NXNL1: variants seen among roughly 807,000 people sequenced by gnomAD.
The protein encoded by NXNL1 is nucleoredoxin like 1.
A neutral mutation model predicts 7.2 loss-of-function variants in NXNL1; 6 were observed. The ratio of observed to expected loss-of-function variants is 0.83; its 90% CI spans 0.46 to 1.64. The LOEUF is 1.64. NXNL1 is among the 40% of genes most tolerant of loss of function. NXNL1 has a pLI of 0.01. For synonymous variants in NXNL1, 133 were observed against 127.2 expected, an observed-to-expected ratio of 1.05 and a Z score of -0.31; for missense variants, 308 against 285.1, an observed-to-expected ratio of 1.08 and a Z score of -0.58.
rs372954697 is a variant in NXNL1 at position 17,455,880 on chromosome 19, C to G, written c.406G>C (p.Asp136His). Residue 136 changes from aspartate (D) to histidine (H), a missense_variant, in exon 2 of 2, where the codon GAC (aspartate) becomes CAC (histidine). By Grantham distance (81) the Asp-to-His change is moderately conservative. Transcript: ENST00000301944. Reference protein sequence around the residue: ...LKPDGDVLTRDGADEIQRLGT... With the variant: ...LKPDGDVLTRHGADEIQRLGT... ...AGGCGCTGGATCTCGTCGGCGCCGT[C>G]GCGAGTGAGCACGTCCCCGTCCGGC... 1 of 1,591,500 alleles carries G rather than the reference C, an allele frequency of 6.3e-7. No individual in the cohort carries two copies. Among genetic ancestry groups the G allele is most frequent in the East Asian group, 2.2e-5 (1 of 44,580 alleles).
Position 17,460,664 on chromosome 19 carries a change from C to T in NXNL1, c.206G>A (p.Arg69Gln), listed in dbSNP as rs757310322. Residue 69 changes from arginine (R) to glutamine (Q), a missense_variant, in exon 1 of 2, where the codon CGG (arginine) becomes CAG (glutamine). By Grantham distance (43) the Arg-to-Gln change is conservative. Coordinates refer to ENST00000301944, the MANE Select transcript of NXNL1 (RefSeq NM_138454.2). ...GTACACCAGGGCCAGCTGAGCCGCCCGCAGTACATAGAACTCATCTGTGAG... is the reference window on the plus strand; with the variant it reads ...GTACACCAGGGCCAGCTGAGCCGCCTGCAGTACATAGAACTCATCTGTGAG... ...VRLTDEFYVL[R>Q]AAQLALVYVS... 2.8e-5 allele frequency: 45 copies of T among 1,613,434 alleles called. No individual in the cohort carries two copies. The highest frequency in any genetic ancestry group is 4.5e-5 in the East Asian group (2 of 44,890).
Position 17,460,895 on chromosome 19 carries a change from C to A in NXNL1, c.-26G>T. On this transcript the variant is annotated 5_prime_UTR_variant, in exon 1 of 2. Coordinates refer to ENST00000301944, the MANE Select transcript of NXNL1 (RefSeq NM_138454.2). The stretch of plus-strand genomic sequence containing the variant: ...GGTAACCTGGGTTGGGTGCTGGGGA[C>A]AGCGCGGCGTGTGGTCCCCGGTCTG... 6.2e-7 allele frequency: 1 copy of A among 1,608,594 alleles called. No homozygotes were observed. The highest frequency in any genetic ancestry group is 8.5e-7 in the Non-Finnish European group (1 of 1,178,960).
At chr19:17,456,077 G>A (rs1285586820) in intron 1 of NXNL1, 118 bp from the exon 2 acceptor site, 4 of 1,498,266 alleles carry the variant, frequency 2.7e-6, no homozygotes, top group Non-Finnish European at 3.5e-6. Flanking sequence ...CCTCTTGCCG[G>A]GCACTGGGTA....
Position 17,459,866 on chromosome 19 carries a change from G to A in NXNL1, c.326+678C>T, listed in dbSNP as rs568185869. Among the ~76,000 whole-genome samples the A allele has an allele frequency of 8.5e-5, 13 of 152,140 alleles. No individual in the cohort carries two copies. In the South Asian group the frequency reaches 2.7e-3, roughly 32 times the overall value. ...GCTAGGACTACAGGCATGAGCCACC[G>A]TGCCCAGCTAGGGGTCTCTCTTTAA... is the stretch of plus-strand genomic sequence containing the variant. On this transcript the variant is annotated intron_variant, in intron 1 of 1. Transcript: ENST00000301944.
intron 1 of NXNL1, among the ~76,000 whole-genome samples, chr19:17,460,113 C>T (rs57502005): frequency 0.029 from 4,393 of 152,192 alleles, 227 homozygotes; most frequent in African/African-American, 0.1. Context: ...CAGTTTCAAA[C>T]GATTCTCCTG....
chr19:17,455,679 C>CA lies in NXNL1; in HGVS notation c.606dup (p.Gly203TrpfsTer14). ...AGCCCCCCGGCCCCGCCCTCCTCCCCACCCCCTCCCCCGGGGTCGCGCCCG... is the reference window on the plus strand; with the variant it reads ...AGCCCCCCGGCCCCGCCCTCCTCCCCAACCCCCTCCCCCGGGGTCGCGCCCG... On this transcript the variant is annotated frameshift_variant, in exon 2 of 2. Transcript: ENST00000301944. LOFTEE classifies it high-confidence loss of function. 1 of 1,443,082 alleles carries CA rather than the reference C, an allele frequency of 6.9e-7. No homozygotes were observed. The allele number at this position is 1,443,082 out of a possible 1,614,324, so 89.4% of individuals were successfully genotyped here.
chr19:17,455,663 G>GCCCCCCCCCCCCCCCCCCC lies in NXNL1; in HGVS notation c.622_623insGGGGGGGGGGGGGGGGGGG (p.Ala208GlyfsTer15). ...CCTAGCGGGTCAGAACAGCCCCCCG[G>GCCCCCCCCCCCCCCCCCCC]CCCCGCCCTCCTCCCCACCCCCTCC... On this transcript the variant is annotated frameshift_variant, in exon 2 of 2. Coordinates refer to ENST00000301944, the MANE Select transcript of NXNL1 (RefSeq NM_138454.2). LOFTEE classifies it high-confidence loss of function. 4 of 771,712 alleles carry GCCCCCCCCCCCCCCCCCCC rather than the reference G, an allele frequency of 5.2e-6. No homozygotes were observed. The highest frequency in any genetic ancestry group is 5.5e-5 in the East Asian group (2 of 36,238). 47.8% of individuals were successfully genotyped at this position (771,712 alleles called of 1,614,324 possible). A position where few individuals can be genotyped will look rare whatever the true frequency, so the allele number is the denominator to read the frequency against.
chr19:17,457,651 G>C (rs564494589), intron 1 of NXNL1, among the ~76,000 whole-genome samples: 1 of 152,256 alleles, frequency 6.6e-6, no homozygotes, highest in South Asian at 2.1e-4. Context: ...GGGATTACAG[G>C]CATGAACCAC....
chr19:17,458,237 T>TG (rs2075000197), intron 1 of NXNL1, among the ~76,000 whole-genome samples: 1 of 135,210 alleles, frequency 7.4e-6, no homozygotes, highest in South Asian at 2.3e-4. Flanking sequence ...TTTTTTTTTT[T>TG]GTGACATAGT....
At chr19:17,460,518 AG>A in intron 1 of NXNL1, 25 bp downstream of exon 1, 1 of 1,597,648 alleles carries the variant, frequency 6.3e-7, no homozygotes, top group African/African-American at 1.3e-5. Context: ...CCCCTCCTCC[AG>A]GAAGCCCTCC....
Position 17,455,503 on chromosome 19 carries a change from C to T in NXNL1, c.*144G>A. The T allele has an allele frequency of 1.6e-6, 1 of 611,790 alleles. No individual in the cohort carries two copies. Among genetic ancestry groups the T allele is most frequent in the East Asian group, 2.8e-5 (1 of 36,016 alleles). 37.9% of individuals were successfully genotyped at this position (611,790 alleles called of 1,614,324 possible). ...TTTCGTAGAGTCAGGGTCTCACTCT[C>T]TTGCCCAGGTTGATCTCGAACCTCT... is the stretch of plus-strand genomic sequence containing the variant. On this transcript the variant is annotated 3_prime_UTR_variant, in exon 2 of 2. Coordinates refer to ENST00000301944, the MANE Select transcript of NXNL1 (RefSeq NM_138454.2).
intron 1 of NXNL1, among the ~76,000 whole-genome samples, chr19:17,459,567 G>A (rs755426981): frequency 2.6e-5 from 4 of 151,748 alleles, no homozygotes; most frequent in Non-Finnish European, 5.9e-5. Context: ...ACAGCTGTGC[G>A]CCACCAGGCC....
chr19:17,458,025 C>T (rs183951422), intron 1 of NXNL1, among the ~76,000 whole-genome samples: 6 of 152,146 alleles, frequency 3.9e-5, no homozygotes, highest in East Asian at 1.9e-4. Context: ...AAACTATACA[C>T]GTATGCATAT....
At chr19:17,457,648 C>T (rs2074998090) in intron 1 of NXNL1, among the ~76,000 whole-genome samples, 1 of 152,184 alleles carries the variant, frequency 6.6e-6, no homozygotes, top group African/African-American at 2.4e-5. Context: ...ACTGGGATTA[C>T]AGGCATGAAC....
intron 1 of NXNL1, among the ~76,000 whole-genome samples, chr19:17,457,094 TAAAA>T (rs67507866): frequency 1.4e-5 from 2 of 142,308 alleles, no homozygotes; most frequent in Non-Finnish European, 3.0e-5. Flanking sequence ...CTCCCTCTCT[TAAAA>T]AAAAAAAAAA....
intron 1 of NXNL1, among the ~76,000 whole-genome samples, chr19:17,459,411 T>G (rs567477714): frequency 1.2e-3 from 100 of 85,118 alleles, no homozygotes; most frequent in African/African-American, 3.8e-3. Flanking sequence ...ATTTATTACA[T>G]TTTTTATTTT....
At chr19:17,460,422 C>T in intron 1 of NXNL1, 122 bp downstream of exon 1, 1 of 1,066,656 alleles carries the variant, frequency 9.4e-7, no homozygotes, top group Non-Finnish European at 1.3e-6. Flanking sequence ...CTGTCTGTAC[C>T]CCCTAGTTCC....
chr19:17,455,671 C>CCA lies in NXNL1; in HGVS notation c.614_615insTG (p.Glu205AspfsTer60), dbSNP rs2144513959. ...GTCAGAACAGCCCCCCGGCCCCGCCCTCCTCCCCACCCCCTCCCCCGGGGT... is the reference window on the plus strand; with the variant it reads ...GTCAGAACAGCCCCCCGGCCCCGCCCCATCCTCCCCACCCCCTCCCCCGGGGT... On this transcript the variant is annotated frameshift_variant, in exon 2 of 2. Coordinates refer to ENST00000301944, the MANE Select transcript of NXNL1 (RefSeq NM_138454.2). LOFTEE classifies it high-confidence loss of function. The CCA allele has an allele frequency of 5.6e-6, 6 of 1,079,742 alleles. No homozygotes were observed. The highest frequency in any genetic ancestry group is 2.7e-5 in the East Asian group (1 of 37,504). The allele number at this position is 1,079,742 out of a possible 1,614,324, so 66.9% of individuals were successfully genotyped here.
At position 17,460,881 on chromosome 19, in the gene NXNL1, T is replaced by C. The variant is rs369023942; in HGVS notation, c.-12A>G. The C allele has an allele frequency of 1.4e-5, 23 of 1,611,810 alleles. No homozygotes were observed. Among genetic ancestry groups the C allele is most frequent in the Middle Eastern group, 1.6e-4 (1 of 6,084 alleles). ...AACAGGGAGGCCATGGTAACCTGGG[T>C]TGGGTGCTGGGGACAGCGCGGCGTG... On this transcript the variant is annotated 5_prime_UTR_variant, in exon 1 of 2. Transcript: ENST00000301944.
Sources: gnomAD v4.1 joint callset for allele counts (sites outside exome capture counted in the v4.1 genomes callset) on GRCh38, gnomAD v4.1.1 for gene constraint, MANE v1.5 for transcripts, NCBI Gene and HGNC (gene_info 2026-07-23, HGNC 2026-07-21) for gene names.